NLGN1: variants seen among roughly 807,000 people sequenced by gnomAD.
NLGN1 encodes the protein neuroligin 1.
In NLGN1, 12 loss-of-function variants were observed where a neutral mutation model predicts 65.5. The observed-to-expected ratio is 0.18, with a 90% CI of 0.12 to 0.30. The LOEUF is 0.30. NLGN1 is among the 10% of genes least tolerant of loss of function. NLGN1 has a pLI of 1.00. For missense variants in NLGN1, 750 were observed against 1,007.1 expected, an observed-to-expected ratio of 0.74 and a Z score of 3.46; for synonymous variants, 350 against 359.5, an observed-to-expected ratio of 0.97 and a Z score of 0.30.
chr3:174,022,832 C>T (rs1474198282), intron 4 of NLGN1, among the ~76,000 whole-genome samples: 1 of 151,972 alleles, frequency 6.6e-6, no homozygotes, highest in Non-Finnish European at 1.5e-5. Context: ...CCTTGCAGGA[C>T]CAAAAGGGGA....
chr3:173,490,621 T>G (rs1728961554), intron 2 of NLGN1, among the ~76,000 whole-genome samples: 1 of 152,182 alleles, frequency 6.6e-6, no homozygotes, highest in Admixed American at 6.5e-5. Flanking sequence ...CTTTTTCCAG[T>G]TCTGTGAAGA....
At chr3:174,107,489 G>A (rs967144815) in intron 4 of NLGN1, among the ~76,000 whole-genome samples, 2 of 152,114 alleles carry the variant, frequency 1.3e-5, no homozygotes, top group Admixed American at 1.3e-4. Flanking sequence ...TTATTGTTAA[G>A]TAGGATTCCA....
chr3:173,834,958 G>C (rs1723321424), intron 4 of NLGN1, among the ~76,000 whole-genome samples: 1 of 152,166 alleles, frequency 6.6e-6, no homozygotes, highest in Non-Finnish European at 1.5e-5. Context: ...CAACAAACCA[G>C]AATAAAGGCC....
intron 2 of NLGN1, among the ~76,000 whole-genome samples, chr3:173,451,333 C>T (rs1426968793): frequency 2.0e-5 from 3 of 152,112 alleles, no homozygotes; most frequent in Non-Finnish European, 4.4e-5. Flanking sequence ...CACTCCAGAC[C>T]CTGTTTGCCT....
At chr3:173,755,343 ATCTT>A (rs1439040727) in intron 3 of NLGN1, among the ~76,000 whole-genome samples, 73 of 152,268 alleles carry the variant, frequency 4.8e-4, no homozygotes, top group African/African-American at 1.7e-3. Context: ...ATTGAATATG[ATCTT>A]TCTTATTAAT....
At chr3:173,885,618 A>C (rs1273859903) in intron 4 of NLGN1, among the ~76,000 whole-genome samples, 2 of 152,124 alleles carry the variant, frequency 1.3e-5, no homozygotes, top group Admixed American at 6.6e-5. Flanking sequence ...AGCATATTCA[A>C]TAAATGGCTA....
intron 2 of NLGN1, among the ~76,000 whole-genome samples, chr3:173,585,829 T>C (rs1047084732): frequency 2.0e-5 from 3 of 152,308 alleles, no homozygotes; most frequent in South Asian, 4.1e-4. Flanking sequence ...TTCTTGCAGC[T>C]GAATTCAGGA....
At chr3:173,897,253 G>C (rs1463823880) in intron 4 of NLGN1, among the ~76,000 whole-genome samples, 1 of 152,166 alleles carries the variant, frequency 6.6e-6, no homozygotes, top group Non-Finnish European at 1.5e-5. Context: ...AATCCCGCTA[G>C]AGATCATCAC....
At chr3:173,949,001 A>G (rs1747705893) in intron 4 of NLGN1, among the ~76,000 whole-genome samples, 1 of 152,056 alleles carries the variant, frequency 6.6e-6, no homozygotes, top group Non-Finnish European at 1.5e-5. Flanking sequence ...AGTTTGCCCT[A>G]TTTGCAGACA....
intron 1 of NLGN1, among the ~76,000 whole-genome samples, chr3:173,411,780 T>A (rs566895857): frequency 6.6e-5 from 10 of 152,266 alleles, no homozygotes; most frequent in Middle Eastern, 3.4e-3. Flanking sequence ...TGAGGGCTTC[T>A]ACCTACTTTT....
intron 4 of NLGN1, among the ~76,000 whole-genome samples, chr3:174,088,066 A>G (rs1743757589): frequency 6.6e-6 from 1 of 152,248 alleles, no homozygotes; most frequent in Non-Finnish European, 1.5e-5. Flanking sequence ...TGCTAATATT[A>G]CATTTTGTTT....
At chr3:173,615,003 T>G (rs997065579) in intron 3 of NLGN1, among the ~76,000 whole-genome samples, 2 of 152,174 alleles carry the variant, frequency 1.3e-5, no homozygotes, top group Admixed American at 6.5e-5. Context: ...GTATTCCAAC[T>G]GACTCTGAAA....
At chr3:174,201,372 AAGG>A (rs1561278897) in intron 4 of NLGN1, among the ~76,000 whole-genome samples, 4 of 143,492 alleles carry the variant, frequency 2.8e-5, no homozygotes, top group African/African-American at 1.0e-4. Context: ...GGAAGGAAGG[AAGG>A]AAAGAAGGAA....
At chr3:173,622,570 C>G (rs1253877561) in intron 3 of NLGN1, among the ~76,000 whole-genome samples, 1 of 151,400 alleles carries the variant, frequency 6.6e-6, no homozygotes, top group Admixed American at 6.6e-5. Flanking sequence ...AAAAATAGTC[C>G]CGGTAAAAAG....
chr3:173,627,456 G>A (rs557262530), intron 3 of NLGN1, among the ~76,000 whole-genome samples: 7 of 151,804 alleles, frequency 4.6e-5, no homozygotes, highest in African/African-American at 1.7e-4. Flanking sequence ...GCACACTTAG[G>A]TTCATTACTA....
intron 2 of NLGN1, among the ~76,000 whole-genome samples, chr3:173,471,321 T>C (rs112249663): frequency 3.4e-4 from 52 of 152,240 alleles, no homozygotes; most frequent in African/African-American, 1.1e-3. Flanking sequence ...AAGACATCAG[T>C]AGGATTGGTC....
intron 4 of NLGN1, among the ~76,000 whole-genome samples, chr3:174,212,045 G>A (rs1014919879): frequency 3.3e-5 from 5 of 152,152 alleles, no homozygotes; most frequent in Non-Finnish European, 7.4e-5. Context: ...CGGGAGGCTC[G>A]GGCTGCACAG....
At chr3:174,054,601 T>C (rs1046692732) in intron 4 of NLGN1, among the ~76,000 whole-genome samples, 30 of 151,980 alleles carry the variant, frequency 2.0e-4, no homozygotes, top group African/African-American at 7.0e-4. Flanking sequence ...CTTTTGTTTG[T>C]TTGAATATTT....
chr3:174,135,682 G>T (rs1285426527), intron 4 of NLGN1, among the ~76,000 whole-genome samples: 1 of 151,674 alleles, frequency 6.6e-6, no homozygotes, highest in African/African-American at 2.4e-5. Flanking sequence ...GGGAATACAG[G>T]ATCCAGTGCT....
Sources: gnomAD v4.1 joint callset for allele counts (sites outside exome capture counted in the v4.1 genomes callset) on GRCh38, gnomAD v4.1.1 for gene constraint, MANE v1.5 for transcripts, NCBI Gene and HGNC (gene_info 2026-07-23, HGNC 2026-07-21) for gene names.